Variants in LTBP1 observed in about 807,000 individuals in gnomAD.
The protein encoded by LTBP1 is latent transforming growth factor beta binding protein 1.
LTBP1 carries 129 observed loss-of-function variants against 207.6 expected under a neutral mutation model. That is an observed-to-expected ratio of 0.62 (90% CI 0.54 to 0.72). LTBP1 has a LOEUF of 0.72. Among genes scored for constraint, LTBP1 ranks in the 30% least tolerant of loss-of-function variants. LTBP1 has a pLI of 0.00. For synonymous variants in LTBP1, 963 were observed against 833.7 expected (o/e 1.16, Z -2.67); for missense variants, 2,281 against 2,217.2 (o/e 1.03, Z -0.58).
chr2:33,124,827 G>T (rs1445820158), intron 4 of LTBP1, among the ~76,000 whole-genome samples: 1 of 152,214 alleles, frequency 6.6e-6, no homozygotes, highest in Non-Finnish European at 1.5e-5. Flanking sequence ...CCACAGTCTT[G>T]TGAGGTAGAT....
chr2:33,132,012 G>A (rs1204281163), intron 4 of LTBP1, among the ~76,000 whole-genome samples: 1 of 152,224 alleles, frequency 6.6e-6, no homozygotes, highest in African/African-American at 2.4e-5. Flanking sequence ...TTAGGTGACT[G>A]TGTGAGCATC....
chr2:32,961,688 G>T (rs1461334594), intron 2 of LTBP1, among the ~76,000 whole-genome samples: 1 of 152,164 alleles, frequency 6.6e-6, no homozygotes, highest in African/African-American at 2.4e-5. Context: ...GCTCATGCCT[G>T]TAATCCCAGC....
intron 7 of LTBP1, among the ~76,000 whole-genome samples, chr2:33,199,741 A>G (rs2088996386): frequency 6.6e-6 from 1 of 152,210 alleles, no homozygotes; most frequent in Admixed American, 6.5e-5. Context: ...GTCTCAGCCC[A>G]AAATCTCCTT....
intron 32 of LTBP1, 84 bp from the exon 33 acceptor site, chr2:33,397,049 A>C (rs1430420961): frequency 1.5e-6 from 2 of 1,314,832 alleles, no homozygotes; most frequent in African/African-American, 1.5e-5. Flanking sequence ...CTATTTGGAA[A>C]ATGAACCATC....
intron 3 of LTBP1, among the ~76,000 whole-genome samples, chr2:33,023,559 A>G (rs889015900): frequency 2.0e-5 from 3 of 152,284 alleles, no homozygotes; most frequent in Admixed American, 2.0e-4. Flanking sequence ...ATAGGCATGT[A>G]TATATGGGTG....
chr2:32,958,530 C>T (rs1678467638), intron 2 of LTBP1, among the ~76,000 whole-genome samples: 1 of 152,154 alleles, frequency 6.6e-6, no homozygotes, highest in Non-Finnish European at 1.5e-5. Context: ...GCATCTGTCC[C>T]TTCATCAGCG....
intron 9 of LTBP1, among the ~76,000 whole-genome samples, chr2:33,222,933 T>G (rs939610857): frequency 1.3e-5 from 2 of 152,310 alleles, no homozygotes; most frequent in Non-Finnish European, 2.9e-5. Context: ...GAAGATGTTG[T>G]TATTAGTAAC....
chr2:33,363,346 C>G (rs375769752), intron 28 of LTBP1, 44 bp from the exon 29 acceptor site: 20 of 1,605,540 alleles, frequency 1.2e-5, no homozygotes, highest in Non-Finnish European at 1.7e-5. Context: ...ATTGAAAGAT[C>G]AAACCTAACT....
intron 2 of LTBP1, among the ~76,000 whole-genome samples, chr2:33,017,059 A>G (rs975964571): frequency 1.4e-4 from 22 of 152,148 alleles, no homozygotes; most frequent in African/African-American, 2.4e-4. Flanking sequence ...CTGTGACAAT[A>G]TTTATAATAT....
intron 28 of LTBP1, among the ~76,000 whole-genome samples, chr2:33,362,797 A>G (rs1224673624): frequency 6.6e-6 from 1 of 152,184 alleles, no homozygotes; most frequent in Non-Finnish European, 1.5e-5. Context: ...ACCGAGTCCT[A>G]TCCATGGATT....
chr2:33,084,640 A>G (rs185558480), intron 3 of LTBP1, among the ~76,000 whole-genome samples: 45 of 152,300 alleles, frequency 3.0e-4, no homozygotes, highest in Non-Finnish European at 5.4e-4. Flanking sequence ...GGAAACCACC[A>G]TTGACAAGAG....
At chr2:33,137,755 A>AT (rs1468126683) in intron 5 of LTBP1, among the ~76,000 whole-genome samples, 3 of 152,200 alleles carry the variant, frequency 2.0e-5, no homozygotes, top group Admixed American at 6.5e-5. Flanking sequence ...GATCATCACC[A>AT]TTTTTTCAAT....
Position 33,134,758 on chromosome 2 carries a change from TTTG to T in LTBP1, c.1034-29_1034-27del. 6.2e-7 allele frequency: 1 copy of T among 1,614,042 alleles called. No homozygotes were observed. Among genetic ancestry groups the T allele is most frequent in the Non-Finnish European group, 8.5e-7 (1 of 1,179,996 alleles). On this transcript the variant is annotated intron_variant, in intron 4 of 33. Coordinates refer to ENST00000404816, the MANE Select transcript of LTBP1 (RefSeq NM_206943.4). The surrounding 1 kb of genome is among the most constrained non-coding windows in gnomAD (Gnocchi z 4.4). Reference sequence around the variant, plus strand: ...AGTTCATGGATACTAAGCTGATGTGTTTGTTGTTCTTTTTCTCCCTGCCTCCGC... The same window carrying T: ...AGTTCATGGATACTAAGCTGATGTGTTTGTTCTTTTTCTCCCTGCCTCCGC...
intron 26 of LTBP1, among the ~76,000 whole-genome samples, chr2:33,354,959 C>T (rs2094839048): frequency 6.6e-6 from 1 of 152,060 alleles, no homozygotes; most frequent in Admixed American, 6.6e-5. Flanking sequence ...CGAGGCTGGT[C>T]TCGTTTTATC....
intron 31 of LTBP1, among the ~76,000 whole-genome samples, chr2:33,381,245 A>G (rs552655398): frequency 6.6e-6 from 1 of 152,328 alleles, no homozygotes; most frequent in Non-Finnish European, 1.5e-5. Context: ...ATTTAATACT[A>G]TTACAGTAGT....
intron 3 of LTBP1, among the ~76,000 whole-genome samples, chr2:33,077,054 G>C (rs937062175): frequency 6.6e-6 from 1 of 152,188 alleles, no homozygotes; most frequent in Non-Finnish European, 1.5e-5. Context: ...TGATATTGCT[G>C]TTTTATAGGG....
At chr2:33,277,301 C>G (rs1463432472) in intron 18 of LTBP1, among the ~76,000 whole-genome samples, 1 of 151,952 alleles carries the variant, frequency 6.6e-6, no homozygotes, top group Admixed American at 6.6e-5. Context: ...AGTTTTGTAC[C>G]CTCCCCGAGG....
chr2:33,040,799 C>T (rs1313403766), intron 3 of LTBP1, among the ~76,000 whole-genome samples: 1 of 152,170 alleles, frequency 6.6e-6, no homozygotes, highest in African/African-American at 2.4e-5. Flanking sequence ...GGGTCACTTG[C>T]TTTTCTGGAG....
At chr2:33,105,710 G>A (rs1354883422) in intron 3 of LTBP1, among the ~76,000 whole-genome samples, 2 of 152,180 alleles carry the variant, frequency 1.3e-5, no homozygotes, top group Non-Finnish European at 2.9e-5. Flanking sequence ...TGGGACTACA[G>A]ACTTGAGCCC....
Sources: allele counts gnomAD v4.1 joint callset (sites outside exome capture counted in the v4.1 genomes callset), GRCh38; gene constraint gnomAD v4.1.1; non-coding constraint Gnocchi (gnomAD v3.1); transcripts MANE v1.5; gene names NCBI Gene and HGNC (gene_info 2026-07-23, HGNC 2026-07-21).